ELK3: variants seen among roughly 807,000 people sequenced by gnomAD.
ELK3 encodes ETS domain-containing protein Elk-3.
ELK3 carries 10 observed loss-of-function variants against 28.9 expected under a neutral mutation model. The observed-to-expected ratio is 0.35, with a 90% CI of 0.21 to 0.59. ELK3 has a LOEUF of 0.59. Among genes scored for constraint, ELK3 ranks in the 20% least tolerant of loss-of-function variants. The pLI is 0.82. For missense variants in ELK3, 463 were observed against 517.3 expected (o/e 0.90, Z 1.02); for synonymous variants, 272 against 243.5 (o/e 1.12, Z -1.09).
At chr12:96,236,284 C>T (rs1333621368) in intron 2 of ELK3, among the ~76,000 whole-genome samples, 2 of 152,172 alleles carry the variant, frequency 1.3e-5, no homozygotes, top group Non-Finnish European at 2.9e-5. Flanking sequence ...AACGTCCAGT[C>T]GAATCCTCCC....
In ELK3 at chr12:96,200,368, T is replaced by C. The variant is rs141177554; in HGVS notation, c.-3+5663T>C. The stretch of plus-strand genomic sequence containing the variant: ...AGTAAAGAAAACGAGGCTCTTGGTA[T>C]CTTCCCCTCTCTCTTTTTTTTAAGT... On this transcript the variant is annotated intron_variant, in intron 1 of 4. Transcript: ENST00000228741. 3.2e-4 allele frequency among the ~76,000 whole-genome samples: 49 copies of C among 152,176 alleles called. No homozygotes were observed. In the East Asian group the frequency reaches 8.9e-3, roughly 28 times the overall value.
At chr12:96,238,281 G>GA (rs1407487341) in intron 2 of ELK3, among the ~76,000 whole-genome samples, 15 of 152,202 alleles carry the variant, frequency 9.9e-5, no homozygotes, top group Non-Finnish European at 2.1e-4. Flanking sequence ...TGAGTCTTTA[G>GA]AAAAAATTAG....
At chr12:96,213,283 G>A (rs971186857) in intron 1 of ELK3, among the ~76,000 whole-genome samples, 1 of 152,154 alleles carries the variant, frequency 6.6e-6, no homozygotes, top group Admixed American at 6.5e-5. Context: ...TTACCCTGCA[G>A]ATTGACCACC....
rs1028788604 is a variant in ELK3, at chr12:96,268,039, A to T, written c.*859A>T. The T allele has an allele frequency of 3.9e-5, 6 of 152,196 alleles. No individual in the cohort carries two copies. Among genetic ancestry groups the T allele is most frequent in the Non-Finnish European group, 1.5e-5 (1 of 68,032 alleles). The allele number at this position is 152,196 out of a possible 1,614,324, so 9.4% of individuals were successfully genotyped here. On this transcript the variant is annotated 3_prime_UTR_variant, in exon 5 of 5. Coordinates refer to ENST00000228741, the MANE Select transcript of ELK3 (RefSeq NM_005230.4). ...TCAAAAAATTAGCCCTGGTTTTCTC[A>T]GTTTTCCATAGGGAATCCCGACCAT... is the stretch of plus-strand genomic sequence containing the variant.
At chr12:96,255,157 T>C (rs1035591609) in intron 3 of ELK3, among the ~76,000 whole-genome samples, 2 of 151,022 alleles carry the variant, frequency 1.3e-5, no homozygotes, top group Non-Finnish European at 3.0e-5. Flanking sequence ...TCAGCAGGAG[T>C]TGGTGACTGA....
At chr12:96,226,803 AAAG>A (rs535121825) in intron 2 of ELK3, among the ~76,000 whole-genome samples, 52 of 152,292 alleles carry the variant, frequency 3.4e-4, no homozygotes, top group African/African-American at 1.0e-3. Flanking sequence ...TTTAAAAAGA[AAAG>A]AAGGAGAGGG....
chr12:96,203,634 A>G (rs1951520594), intron 1 of ELK3, among the ~76,000 whole-genome samples: 1 of 152,182 alleles, frequency 6.6e-6, no homozygotes. Flanking sequence ...GAATAGGCAG[A>G]TCTCTTGGTT....
Position 96,263,585 on chromosome 12 carries a change from A to G in ELK3, c.1126-3497A>G, listed in dbSNP as rs1952008899. Among the ~76,000 whole-genome samples, 6 of 152,348 alleles carry G rather than the reference A, an allele frequency of 3.9e-5. No homozygotes were observed. In the South Asian group the frequency reaches 1.2e-3, roughly 32 times the overall value. On this transcript the variant is annotated intron_variant, in intron 4 of 4. Coordinates refer to ENST00000228741, the MANE Select transcript of ELK3 (RefSeq NM_005230.4). ...GACAAGGACTGTAGGGACAGAGAAT[A>G]TGTGAATAGTGGATGAGTAAACAAA...
Position 96,269,280 on chromosome 12 carries a change from C to T in ELK3, c.*2100C>T, listed in dbSNP as rs1268002084. On this transcript the variant is annotated 3_prime_UTR_variant, in exon 5 of 5. Coordinates refer to ENST00000228741, the MANE Select transcript of ELK3 (RefSeq NM_005230.4). ...GTGTTGTCAGATAAGAGAACACATC[C>T]AAAATGCATGATTCTTACAAACTAA... is the stretch of plus-strand genomic sequence containing the variant. The T allele has an allele frequency of 6.6e-6, 1 of 152,116 alleles. No homozygotes were observed. The highest frequency in any genetic ancestry group is 2.4e-5 in the African/African-American group (1 of 41,416). The allele number at this position is 152,116 out of a possible 1,614,324, so 9.4% of individuals were successfully genotyped here.
At chr12:96,222,971 TGCCACACA>T (rs1951673127) in intron 1 of ELK3, 1 of 155,434 alleles carries the variant, frequency 6.4e-6, no homozygotes, top group Admixed American at 6.2e-5. Flanking sequence ...AGGGTCAAGG[TGCCACACA>T]CTGTTAAATG....
At chr12:96,200,026 A>G (rs1474906224) in intron 1 of ELK3, among the ~76,000 whole-genome samples, 1 of 152,142 alleles carries the variant, frequency 6.6e-6, no homozygotes, top group Non-Finnish European at 1.5e-5. Context: ...GAGTGATGGG[A>G]TAGGTATAAA....
intron 2 of ELK3, among the ~76,000 whole-genome samples, chr12:96,224,134 T>G (rs1164453321): frequency 6.6e-6 from 1 of 152,208 alleles, no homozygotes; most frequent in Non-Finnish European, 1.5e-5. Context: ...CTGTCTGGTT[T>G]GTGGTTCAAT....
chr12:96,202,078 C>T (rs182465886), intron 1 of ELK3, among the ~76,000 whole-genome samples: 1 of 152,282 alleles, frequency 6.6e-6, no homozygotes, highest in East Asian at 1.9e-4. Context: ...GCTGTCTGCC[C>T]CCACTGCTGT....
At chr12:96,258,250 A>C (rs1951966660) in intron 3 of ELK3, among the ~76,000 whole-genome samples, 2 of 152,260 alleles carry the variant, frequency 1.3e-5, no homozygotes, top group African/African-American at 4.8e-5. Flanking sequence ...GCCTTGGACT[A>C]GAACAAATGG....
chr12:96,257,349 A>G (rs1310796855), intron 3 of ELK3, among the ~76,000 whole-genome samples: 1 of 152,236 alleles, frequency 6.6e-6, no homozygotes, highest in South Asian at 2.1e-4. Flanking sequence ...TTATTTGCAT[A>G]TATTATAGAA....
chr12:96,247,683 C>T lies in ELK3; in HGVS notation c.951C>T (p.Asn317=), dbSNP rs368226848. 3 of 1,610,538 alleles carry T rather than the reference C, an allele frequency of 1.9e-6. No homozygotes were observed. The highest frequency in any genetic ancestry group is 3.4e-5 in the Admixed American group (2 of 59,632). The part of the protein sequence containing the change: ...SGTDIGSIAL[N]SPALPSGSLT... ...CCGACATCGGCTCCATCGCCCTCAACAGCCCAGCCCTCCCCTCGGGATCCC... is the reference window on the plus strand; with the variant it reads ...CCGACATCGGCTCCATCGCCCTCAATAGCCCAGCCCTCCCCTCGGGATCCC... The change falls in exon 3 of 5, where the codon AAC becomes AAT. Residue 317 remains asparagine (N), a synonymous_variant. Transcript: ENST00000228741. This position sits in a 1 kb window ranked among gnomAD's most constrained non-coding sequence, Gnocchi z 5.5.
chr12:96,230,263 GT>G (rs1241626287), intron 2 of ELK3, among the ~76,000 whole-genome samples: 1 of 152,152 alleles, frequency 6.6e-6, no homozygotes, highest in African/African-American at 2.4e-5. Context: ...GACCCTCCAG[GT>G]TTGTGCAAGT....
At chr12:96,255,389 C>T (rs757582472) in intron 3 of ELK3, 5 of 152,284 alleles carry the variant, frequency 3.3e-5, no homozygotes, top group Non-Finnish European at 7.3e-5. Flanking sequence ...GTGGTGAAAC[C>T]ATGGGAACGG....
chr12:96,260,393 AAT>A (rs1269835416), intron 4 of ELK3, among the ~76,000 whole-genome samples: 2 of 152,248 alleles, frequency 1.3e-5, no homozygotes, highest in African/African-American at 4.8e-5. Context: ...TGAAAATAAA[AAT>A]AGTGAACAAT....
Sources: gnomAD v4.1 joint callset for allele counts (sites outside exome capture counted in the v4.1 genomes callset) on GRCh38, gnomAD v4.1.1 for gene constraint, Gnocchi (gnomAD v3.1) non-coding constraint, MANE v1.5 for transcripts, NCBI Gene and HGNC (gene_info 2026-07-23, HGNC 2026-07-21) for gene names.